Variants in PHACTR2 observed in about 807,000 individuals in gnomAD.
PHACTR2 encodes chromosome 6 open reading frame 56.
In PHACTR2, 30 loss-of-function variants were observed where a neutral mutation model predicts 76.0. That is an observed-to-expected ratio of 0.39 (90% confidence interval 0.30 to 0.54). The LOEUF (loss-of-function observed/expected upper bound fraction) is 0.54, where lower values mean the gene tolerates loss of function less well. Ranked by LOEUF, PHACTR2 falls within the 20% of genes least tolerant of loss-of-function variation. PHACTR2 has a pLI of 0.61. For synonymous variants in PHACTR2, 292 were observed against 292.5 expected, an observed-to-expected ratio of 1.00 and a Z score of 0.02; for missense variants, 696 against 781.1, an observed-to-expected ratio of 0.89 and a Z score of 1.30.
At position 143,658,878 on chromosome 6, in the gene PHACTR2, AG is replaced by A. The variant is rs1562261611; in HGVS notation, c.13+50557del. 6.6e-6 allele frequency among the ~76,000 whole-genome samples: 1 copy of A among 152,036 alleles called. No homozygotes were observed. Among genetic ancestry groups the A allele is most frequent in the Non-Finnish European group, 1.5e-5 (1 of 67,976 alleles). On this transcript the variant is annotated intron_variant, in intron 1 of 11. Coordinates refer to the PHACTR2 transcript ENST00000305766. This position sits in a 1 kb window ranked among gnomAD's most constrained non-coding sequence, Gnocchi z 4.1. The stretch of plus-strand genomic sequence containing the variant: ...CATCTCTACTAAAAATACAAAACTT[AG>A]CCGGTCAGGGTGGCATGCGCCTATA...
At chr6:143,661,627 C>T (rs769876449) in intron 1 of PHACTR2, among the ~76,000 whole-genome samples, 3 of 149,882 alleles carry the variant, frequency 2.0e-5, no homozygotes, top group Non-Finnish European at 3.0e-5. Context: ...GGCACAATCT[C>T]GGCTCACTAC....
chr6:143,750,194 G>A lies in PHACTR2; in HGVS notation c.295+1129G>A, dbSNP rs562919474. ...AATAGTAGCATTTTCTTAAGCCCTC[G>A]CAATTTTAGGTATTTTACTTCAATT... On this transcript the variant is annotated intron_variant, in intron 3 of 12. Coordinates refer to ENST00000440869, the MANE Select transcript of PHACTR2 (RefSeq NM_001100164.2). This position sits in a 1 kb window ranked among gnomAD's most constrained non-coding sequence, Gnocchi z 4.6. Among the ~76,000 whole-genome samples the A allele has an allele frequency of 5.9e-5, 9 of 152,112 alleles. No homozygotes were observed. The highest frequency in any genetic ancestry group is 3.4e-3 in the Middle Eastern group (1 of 294).
Position 143,760,559 on chromosome 6 carries a change from A to G in PHACTR2, c.613A>G (p.Lys205Glu), listed in dbSNP as rs1779414955. The change falls in exon 5 of 13, where the codon AAA becomes GAA. Residue 205 changes from lysine (K) to glutamate (E), a missense_variant. Physicochemically the swap from Lys to Glu is moderately conservative, Grantham distance 56. Transcript: ENST00000440869. This position sits in a 1 kb window ranked among gnomAD's most constrained non-coding sequence, Gnocchi z 6.4. ...SHKGDEVPPI[K>E]KNTKAPGKQA... is the part of the protein sequence containing the mutation. ...CAAAGGTGATGAAGTGCCTCCCATT[A>G]AAAAAAATACCAAGGCTCCTGGTAA... The G allele has an allele frequency of 6.2e-7, 1 of 1,605,090 alleles. No individual in the cohort carries two copies. The highest frequency in any genetic ancestry group is 1.3e-5 in the African/African-American group (1 of 74,574).
intron 7 of PHACTR2, 136 bp from the exon 8 acceptor site, chr6:143,773,923 G>T: frequency 8.6e-6 from 5 of 579,218 alleles, no homozygotes; most frequent in Middle Eastern, 3.3e-4. Flanking sequence ...TTTTCCTTAG[G>T]TTAATTAAGA....
At chr6:143,711,185 T>C (rs1467074936) in intron 1 of PHACTR2, 1 of 359,440 alleles carries the variant, frequency 2.8e-6, no homozygotes, top group Non-Finnish European at 5.4e-6. Flanking sequence ...AAGAAAAAAC[T>C]ACTGTTTTGA....
Position 143,592,244 on chromosome 6 carries a change from A to G in PHACTR2, c.217+55037A>G, listed in dbSNP as rs1262019254. Among the ~76,000 whole-genome samples the G allele has an allele frequency of 6.6e-6, 1 of 152,178 alleles. No homozygotes were observed. The highest frequency in any genetic ancestry group is 1.5e-5 in the Non-Finnish European group (1 of 68,010). ...TTAGGCATATGGGATGGGGGCTTCC[A>G]TTTGTGTACTTGCCCCAGTCCCTAC... is the stretch of plus-strand genomic sequence containing the variant. On this transcript the variant is annotated intron_variant, in intron 1 of 11. Coordinates refer to the PHACTR2 transcript ENST00000367584. The surrounding 1 kb of genome is among the most constrained non-coding windows in gnomAD (Gnocchi z 4.0).
chr6:143,763,439 G>A (rs1242484391), intron 5 of PHACTR2, among the ~76,000 whole-genome samples: 1 of 152,194 alleles, frequency 6.6e-6, no homozygotes, highest in African/African-American at 2.4e-5. Flanking sequence ...ACTTAGCTAA[G>A]AAAATAATTG....
rs1778896694 is a variant in PHACTR2, at chr6:143,739,622, A to T, written c.215-9363A>T. On this transcript the variant is annotated intron_variant, in intron 2 of 12. Transcript: ENST00000440869. This position sits in a 1 kb window ranked among gnomAD's most constrained non-coding sequence, Gnocchi z 4.3. Reference sequence around the variant, plus strand: ...TTATGAGTTTGCGAGAGTCCGAGTGAAGGGGAAGGACAGGCTGTGTTACAC... The same window carrying T: ...TTATGAGTTTGCGAGAGTCCGAGTGTAGGGGAAGGACAGGCTGTGTTACAC... Among the ~76,000 whole-genome samples the T allele has an allele frequency of 6.6e-6, 1 of 152,220 alleles. No individual in the cohort carries two copies. Among genetic ancestry groups the T allele is most frequent in the Non-Finnish European group, 1.5e-5 (1 of 68,040 alleles).
chr6:143,816,188 C>T lies in PHACTR2; in HGVS notation c.1923-7486C>T, dbSNP rs1016697313. 3.3e-5 allele frequency among the ~76,000 whole-genome samples: 5 copies of T among 152,154 alleles called. No individual in the cohort carries two copies. Among genetic ancestry groups the T allele is most frequent in the South Asian group, 4.1e-4 (2 of 4,824 alleles). On this transcript the variant is annotated intron_variant, in intron 12 of 12. Transcript: ENST00000440869. This position sits in a 1 kb window ranked among gnomAD's most constrained non-coding sequence, Gnocchi z 4.5. ...CACAGTAAATCTATTTATTCCTCCA[C>T]CAACTTGAAGCCTAAAGCCAAAACT...
chr6:143,746,229 A>C (rs1407465153), intron 2 of PHACTR2, among the ~76,000 whole-genome samples: 2 of 152,078 alleles, frequency 1.3e-5, no homozygotes, highest in Non-Finnish European at 2.9e-5. Context: ...TTTACAGATA[A>C]TGGATTAGAG....
At chr6:143,745,770 T>C (rs528262874) in intron 2 of PHACTR2, among the ~76,000 whole-genome samples, 1 of 152,362 alleles carries the variant, frequency 6.6e-6, no homozygotes, top group Admixed American at 6.5e-5. Flanking sequence ...GTGTGTTAAA[T>C]ACGCTCTCAG....
intron 1 of PHACTR2, among the ~76,000 whole-genome samples, chr6:143,637,646 A>G (rs1776483026): frequency 6.6e-6 from 1 of 152,226 alleles, no homozygotes; most frequent in Non-Finnish European, 1.5e-5. Flanking sequence ...CACAGTCCTC[A>G]TGTGGAGGCT....
intron 1 of PHACTR2, among the ~76,000 whole-genome samples, chr6:143,545,615 A>C (rs1417432508): frequency 6.6e-6 from 1 of 152,202 alleles, no homozygotes; most frequent in Non-Finnish European, 1.5e-5. Flanking sequence ...AATCCACCCA[A>C]GTCCCTCAGG....
intron 1 of PHACTR2, among the ~76,000 whole-genome samples, chr6:143,544,059 C>T (rs905524086): frequency 6.6e-6 from 1 of 152,160 alleles, no homozygotes; most frequent in Non-Finnish European, 1.5e-5. Flanking sequence ...TCTTCTGTTC[C>T]CCTTTCTCCC....
chr6:143,573,348 G>A (rs958046671), intron 1 of PHACTR2, among the ~76,000 whole-genome samples: 1 of 152,172 alleles, frequency 6.6e-6, no homozygotes, highest in African/African-American at 2.4e-5. Flanking sequence ...TCAGGCCATC[G>A]AGATGCATGG....
At chr6:143,635,316 ATGTGTGTGTGTGTG>A (rs71834478) in intron 1 of PHACTR2, among the ~76,000 whole-genome samples, 1 of 149,812 alleles carries the variant, frequency 6.7e-6, no homozygotes, top group Non-Finnish European at 1.5e-5. Flanking sequence ...AGCATTTAGG[ATGTGTGTGTGTGTG>A]TGTGTGTGTG....
chr6:143,666,562 T>C (rs1300113889), intron 1 of PHACTR2, among the ~76,000 whole-genome samples: 2 of 152,238 alleles, frequency 1.3e-5, no homozygotes, highest in Non-Finnish European at 2.9e-5. Context: ...TTTTTAATGA[T>C]CGCCATTCTA....
In PHACTR2 at chr6:143,589,833, T is replaced by C. The variant is rs9496691; in HGVS notation, c.217+52626T>C. 0.7 allele frequency among the ~76,000 whole-genome samples: 106,923 copies of C among 152,124 alleles called. 37,984 individuals carry two copies. Among genetic ancestry groups the C allele is most frequent in the Middle Eastern group, 0.8 (234 of 294 alleles). On this transcript the variant is annotated intron_variant, in intron 1 of 11. Coordinates refer to the PHACTR2 transcript ENST00000367584. The surrounding 1 kb of genome is among the most constrained non-coding windows in gnomAD (Gnocchi z 4.4). ...ATCTTATGCAAACTATTTCATATTA[T>C]AGAAGATGACGATACACATCCCAGC...
intron 1 of PHACTR2, among the ~76,000 whole-genome samples, chr6:143,567,619 G>A (rs1254736862): frequency 6.6e-6 from 1 of 152,178 alleles, no homozygotes; most frequent in Non-Finnish European, 1.5e-5. Context: ...GGCTGGTCTC[G>A]ATCTCCTGAC....
Sources: allele counts gnomAD v4.1 joint callset (sites outside exome capture counted in the v4.1 genomes callset), GRCh38; gene constraint gnomAD v4.1.1; non-coding constraint Gnocchi (gnomAD v3.1); transcripts MANE v1.5; gene names NCBI Gene and HGNC (gene_info 2026-07-23, HGNC 2026-07-21).